GZF1: variants seen among roughly 807,000 people sequenced by gnomAD.
GZF1 encodes GDNF inducible zinc finger protein 1.
In GZF1, 28 loss-of-function variants were observed where a neutral mutation model predicts 49.4. That is an observed-to-expected ratio of 0.57 (90% CI 0.42 to 0.78). The LOEUF (loss-of-function observed/expected upper bound fraction) is 0.78. Among genes scored for constraint, GZF1 ranks in the 30% least tolerant of loss-of-function variants. The pLI, the probability that GZF1 is intolerant of heterozygous loss-of-function variation, is 0.00. For missense variants in GZF1, 798 were observed against 916.2 expected (o/e 0.87, Z 1.67); for synonymous variants, 364 against 356.0 (o/e 1.02, Z -0.25).
rs774170731 is a variant in GZF1, at chr20:23,371,669, G to A, written c.*1228G>A. The A allele has an allele frequency of 6.6e-6, 1 of 152,568 alleles. No individual in the cohort carries two copies. The highest frequency in any genetic ancestry group is 1.5e-5 in the Non-Finnish European group (1 of 68,040). The allele number at this position is 152,568 out of a possible 1,614,324, so 9.5% of individuals were successfully genotyped here. A position where few individuals can be genotyped will look rare whatever the true frequency, so the allele number is the denominator to read the frequency against. ...TTTGGTTCTAGGGCCTTGAGTATGT[G>A]CCACGTGCTTGTGAAATGCTATGAT... On this transcript the variant is annotated 3_prime_UTR_variant, in exon 6 of 6. Transcript: ENST00000338121.
Position 23,367,046 on chromosome 20 carries a change from G to A in GZF1, c.1408G>A (p.Ala470Thr). 1.2e-6 allele frequency: 2 copies of A among 1,613,280 alleles called. No individual in the cohort carries two copies. Among genetic ancestry groups the A allele is most frequent in the Non-Finnish European group, 8.5e-7 (1 of 1,179,676 alleles). The change falls in exon 3 of 6, where the codon GCA (alanine) becomes ACA (threonine). Residue 470 changes from alanine to threonine, a missense_variant. Coordinates refer to ENST00000338121, the MANE Select transcript of GZF1 (RefSeq NM_022482.5). ...ACCTTTTGTCTGTGATGAATGTGGT[G>A]CAAGATTCACTCAGAACCACATGCT... ...EKPFVCDECG[A>T]RFTQNHMLIY...
chr20:23,369,994 A>T, intron 5 of GZF1, 97 bp from the exon 6 acceptor site: 3 of 1,105,986 alleles, frequency 2.7e-6, no homozygotes, highest in East Asian at 5.0e-5. Context: ...CTTATTAGTG[A>T]AAGTTGAAAA....
chr20:23,367,578 A>C (rs1217544920), intron 3 of GZF1, among the ~76,000 whole-genome samples: 1 of 152,202 alleles, frequency 6.6e-6, no homozygotes, highest in Non-Finnish European at 1.5e-5. Flanking sequence ...GACATGAAAA[A>C]GTCTGTGCTT....
intron 1 of GZF1, among the ~76,000 whole-genome samples, chr20:23,364,001 A>C (rs373459521): frequency 2.6e-5 from 4 of 152,250 alleles, no homozygotes; most frequent in Non-Finnish European, 5.9e-5. Context: ...AGAACTAGAC[A>C]TTATTGTTGC....
chr20:23,369,042 C>A, intron 4 of GZF1, 113 bp downstream of exon 4: 2 of 881,006 alleles, frequency 2.3e-6, no homozygotes, highest in Non-Finnish European at 1.7e-6. Context: ...GAAAACTGGC[C>A]AAACTTTGTA....
rs1981936122 is a variant in GZF1, at chr20:23,370,259, G to A, written c.1954G>A (p.Ala652Thr). ...AAATGGCCATTTCCACAACCTGGCT[G>A]CAGTCCAAGACACTGTACCTACCAT... is the stretch of plus-strand genomic sequence containing the variant. ...AENGHFHNLA[A>T]VQDTVPTMQE... The change falls in exon 6 of 6, where the codon GCA (alanine) becomes ACA (threonine). Residue 652 changes from alanine (A) to threonine (T), a missense_variant. Coordinates refer to ENST00000338121, the MANE Select transcript of GZF1 (RefSeq NM_022482.5). The A allele has an allele frequency of 1.2e-6, 2 of 1,614,216 alleles. No homozygotes were observed. The highest frequency in any genetic ancestry group is 2.7e-5 in the African/African-American group (2 of 75,060).
At chr20:23,369,552 C>A in intron 4 of GZF1, 32 bp from the exon 5 acceptor site, 1 of 1,574,642 alleles carries the variant, frequency 6.4e-7, no homozygotes. Context: ...GCCAAAGGGA[C>A]CCACCAGCAG....
In GZF1 at chr20:23,362,228, C is replaced by A. The variant is rs1490378790; in HGVS notation, c.-31C>A. 6.6e-6 allele frequency: 1 copy of A among 152,070 alleles called. No individual in the cohort carries two copies. Among genetic ancestry groups the A allele is most frequent in the Non-Finnish European group, 1.5e-5 (1 of 68,088 alleles). The allele number at this position is 152,070 out of a possible 1,614,324, so 9.4% of individuals were successfully genotyped here. ...CGGACAGCGGCTGCAGCGGGGGCGC[C>A]GGCTGGGAGGTGAGTGCGCGGCCCG... On this transcript the variant is annotated 5_prime_UTR_variant, in exon 1 of 6. Transcript: ENST00000338121.
At chr20:23,368,711 GTGTTTTTA>G in intron 3 of GZF1, 43 bp from the exon 4 acceptor site, 1 of 1,460,112 alleles carries the variant, frequency 6.8e-7, no homozygotes, top group Non-Finnish European at 9.3e-7. Context: ...ACTGTTCCAT[GTGTTTTTA>G]ATGCCTGTAT....
Position 23,372,368 on chromosome 20 carries a change from G to A in GZF1, c.*1927G>A, listed in dbSNP as rs1240740511. 3 of 152,006 alleles carry A rather than the reference G, an allele frequency of 2.0e-5. No individual in the cohort carries two copies. The highest frequency in any genetic ancestry group is 7.2e-5 in the African/African-American group (3 of 41,380). The allele number at this position is 152,006 out of a possible 1,614,324, so 9.4% of individuals were successfully genotyped here. A position where few individuals can be genotyped will look rare whatever the true frequency, so the allele number is the denominator to read the frequency against. ...ACGTGAATAATGAAATGTAAAATCCGGGTCCATAAGCCTTTATTTCATACA... is the reference window on the plus strand; with the variant it reads ...ACGTGAATAATGAAATGTAAAATCCAGGTCCATAAGCCTTTATTTCATACA... On this transcript the variant is annotated 3_prime_UTR_variant, in exon 6 of 6. Coordinates refer to ENST00000338121, the MANE Select transcript of GZF1 (RefSeq NM_022482.5).
In GZF1 at chr20:23,372,794, A is replaced by T. The variant is rs971454848; in HGVS notation, c.*2353A>T. On this transcript the variant is annotated 3_prime_UTR_variant, in exon 6 of 6. Coordinates refer to ENST00000338121, the MANE Select transcript of GZF1 (RefSeq NM_022482.5). ...CCCAGAGCCTCAAGAAGGGCCATTT[A>T]GGAGCTTGCTTCAACCATTTTCCAA... The T allele has an allele frequency of 6.6e-6, 1 of 152,168 alleles. No homozygotes were observed. The highest frequency in any genetic ancestry group is 6.5e-5 in the Admixed American group (1 of 15,282). The allele number at this position is 152,168 out of a possible 1,614,324, so 9.4% of individuals were successfully genotyped here. A position where few individuals can be genotyped will look rare whatever the true frequency, so the allele number is the denominator to read the frequency against.
chr20:23,361,968 G>C (rs1015706590), upstream of GZF1, among the ~76,000 whole-genome samples: 33 of 152,288 alleles, frequency 2.2e-4, no homozygotes, highest in Non-Finnish European at 3.4e-4. Context: ...CTCGCGGCGG[G>C]TGACGCAATG....
Position 23,370,401 on chromosome 20 carries a change from C to G in GZF1, c.2096C>G (p.Ser699Trp), listed in dbSNP as rs200302139. The change falls in exon 6 of 6, where the codon TCG becomes TGG. Residue 699 changes from serine (S) to tryptophan (W), a missense_variant. Ser to Trp is a radical substitution (Grantham distance 177). Coordinates refer to ENST00000338121, the MANE Select transcript of GZF1 (RefSeq NM_022482.5). ...ELSELTPQTD[S>W]MPTQLHSLSN... ...AGCGAGCTGACCCCACAGACAGACT[C>G]GATGCCCACACAGCTTCACTCTTTG... 5 of 1,613,724 alleles carry G rather than the reference C, an allele frequency of 3.1e-6. No individual in the cohort carries two copies. Among genetic ancestry groups the G allele is most frequent in the Non-Finnish European group, 3.4e-6 (4 of 1,179,744 alleles).
chr20:23,367,337 A>G (rs1981517621), intron 3 of GZF1, among the ~76,000 whole-genome samples: 1 of 152,216 alleles, frequency 6.6e-6, no homozygotes, highest in Admixed American at 6.5e-5. Context: ...CTTAGGTATC[A>G]AGAGATATAA....
upstream of GZF1, among the ~76,000 whole-genome samples, chr20:23,361,684 G>A (rs1980675745): frequency 1.3e-5 from 2 of 152,200 alleles, no homozygotes; most frequent in East Asian, 1.9e-4. Flanking sequence ...CTCCAAGCCC[G>A]GCTTTCCGCG....
At chr20:23,366,793 A>G (rs917060903) in intron 2 of GZF1, among the ~76,000 whole-genome samples, 54 of 152,182 alleles carry the variant, frequency 3.5e-4, no homozygotes, top group Non-Finnish European at 7.2e-4. Context: ...CATTCCAGTC[A>G]GTGATTTATG....
Position 23,364,405 on chromosome 20 carries a change from C to A in GZF1, c.22C>A (p.Leu8Met). MESGAVL[L>M]ESKSSPFNLL... ...AAAGATGGAAAGCGGTGCAGTTCTG[C>A]TGGAATCCAAATCCTCCCCATTTAA... is the stretch of plus-strand genomic sequence containing the variant. The change falls in exon 2 of 6, where the codon CTG becomes ATG. Residue 8 changes from leucine (L) to methionine (M), a missense_variant. By Grantham distance (15) the Leu-to-Met change is conservative (BLOSUM62 2). Transcript: ENST00000338121. 1 of 1,598,370 alleles carries A rather than the reference C, an allele frequency of 6.3e-7. No individual in the cohort carries two copies. The highest frequency in any genetic ancestry group is 8.5e-7 in the Non-Finnish European group (1 of 1,170,884).
At position 23,365,312 on chromosome 20, in the gene GZF1, G is replaced by GGGA. The variant is rs959995416; in HGVS notation, c.931_933dup (p.Glu311dup). The GGGA allele has an allele frequency of 6.2e-7, 1 of 1,607,936 alleles. No homozygotes were observed. The highest frequency in any genetic ancestry group is 1.3e-5 in the African/African-American group (1 of 74,708). The stretch of plus-strand genomic sequence containing the variant: ...GAGGAGGAGGAGGAGGACGAAGAAG[G>GGGA]GGAGAAGAAGAAGAGCAACTTTAAG... On this transcript the variant is annotated inframe_insertion, in exon 2 of 6. Coordinates refer to ENST00000338121, the MANE Select transcript of GZF1 (RefSeq NM_022482.5).
In GZF1 at chr20:23,368,743, A is replaced by G; in HGVS notation, c.1460-19A>G. ...TAATGCCTGTATTGTTTATGACTTTATTTCATTTTCTCATGTAGGTGAAAG... is the reference window on the plus strand; with the variant it reads ...TAATGCCTGTATTGTTTATGACTTTGTTTCATTTTCTCATGTAGGTGAAAG... On this transcript the variant is annotated intron_variant, in intron 3 of 5. Transcript: ENST00000338121. 1 of 1,589,980 alleles carries G rather than the reference A, an allele frequency of 6.3e-7. No individual in the cohort carries two copies. The highest frequency in any genetic ancestry group is 8.6e-7 in the Non-Finnish European group (1 of 1,166,942).
Sources: gnomAD v4.1 joint callset for allele counts (sites outside exome capture counted in the v4.1 genomes callset) on GRCh38, gnomAD v4.1.1 for gene constraint, MANE v1.5 for transcripts, NCBI Gene and HGNC (gene_info 2026-07-23, HGNC 2026-07-21) for gene names.